ZNF700: variants seen among roughly 807,000 people sequenced by gnomAD.
ZNF700 encodes the protein zinc finger protein 700.
Under a neutral mutation model 65.3 loss-of-function variants are expected in ZNF700, and 38 were observed. That is an observed-to-expected ratio of 0.58 (90% CI 0.45 to 0.76). ZNF700 has a LOEUF of 0.76. Among genes scored for constraint, ZNF700 ranks in the 30% least tolerant of loss-of-function variants. The probability of loss-of-function intolerance (pLI) is 0.00; values close to 1 mark genes in which losing one functional copy is unlikely to be tolerated. For missense variants in ZNF700, 857 were observed against 888.4 expected, an observed-to-expected ratio of 0.96 and a Z score of 0.45; for synonymous variants, 285 against 290.4, an observed-to-expected ratio of 0.98 and a Z score of 0.19.
chr19:11,941,642 G>T (rs746470407), intron 1 of ZNF700, among the ~76,000 whole-genome samples: 1 of 152,070 alleles, frequency 6.6e-6, no homozygotes, highest in African/African-American at 2.4e-5. Flanking sequence ...GCCCGCAAGC[G>T]CCGCGCGCAG....
At chr19:11,942,813 C>CT (rs1003430541) in intron 1 of ZNF700, among the ~76,000 whole-genome samples, 6 of 152,180 alleles carry the variant, frequency 3.9e-5, no homozygotes, top group African/African-American at 1.2e-4. Flanking sequence ...ACCGGGCTGT[C>CT]TGACTATTGA....
chr19:11,938,482 G>A (rs1483884591), intron 1 of ZNF700, among the ~76,000 whole-genome samples: 2 of 152,130 alleles, frequency 1.3e-5, no homozygotes, highest in African/African-American at 4.8e-5. Flanking sequence ...AGAATATGCG[G>A]TGTTTGGTTT....
chr19:11,938,694 A>G lies in ZNF700; in HGVS notation c.64-8487A>G, dbSNP rs148470166. On this transcript the variant is annotated intron_variant, in intron 1 of 3. Coordinates refer to ENST00000254321, the MANE Select transcript of ZNF700 (RefSeq NM_144566.3). ...GGTGCCGCAATAAACATACATGTGCATGTGTCTTTATAGCAGCATGATTTA... is the reference window on the plus strand; with the variant it reads ...GGTGCCGCAATAAACATACATGTGCGTGTGTCTTTATAGCAGCATGATTTA... 1.7e-3 allele frequency among the ~76,000 whole-genome samples: 257 copies of G among 152,316 alleles called. 3 individuals carry two copies. Among genetic ancestry groups the G allele is most frequent in the African/African-American group, 5.8e-3 (241 of 41,578 alleles).
At chr19:11,938,550 C>T (rs1972832710) in intron 1 of ZNF700, among the ~76,000 whole-genome samples, 1 of 152,160 alleles carries the variant, frequency 6.6e-6, no homozygotes, top group Non-Finnish European at 1.5e-5. Context: ...CATGTCCCTA[C>T]AAAGGACATG....
chr19:11,936,870 TG>T lies in ZNF700; in HGVS notation c.64-10310del. On this transcript the variant is annotated intron_variant, in intron 1 of 3. Transcript: ENST00000254321. ...ATCTTGAATTAATTTTTGTGTAAGG[TG>T]TAAGGAAGGGATCCAGTTTCAGCTT... 3.3e-5 allele frequency among the ~76,000 whole-genome samples: 5 copies of T among 152,290 alleles called. 1 individual carries two copies. Among genetic ancestry groups the T allele is most frequent in the Admixed American group, 3.3e-4 (5 of 15,290 alleles).
In ZNF700 at chr19:11,950,274, T is replaced by C; in HGVS notation, c.*21T>C. 6.3e-7 allele frequency: 1 copy of C among 1,593,928 alleles called. No individual in the cohort carries two copies. Among genetic ancestry groups the C allele is most frequent in the Non-Finnish European group, 8.5e-7 (1 of 1,173,032 alleles). ...GCTAGCCTGGTTCCTTTTATGGACA[T>C]GAATAGACTCACACTGGAAGGAAGC... On this transcript the variant is annotated 3_prime_UTR_variant, in exon 4 of 4. Coordinates refer to ENST00000254321, the MANE Select transcript of ZNF700 (RefSeq NM_144566.3).
Position 11,949,899 on chromosome 19 carries a change from TGG to T in ZNF700, c.1877_1878del (p.Gly626GlufsTer13). The T allele has an allele frequency of 6.2e-7, 1 of 1,613,986 alleles. No individual in the cohort carries two copies. ...AGAAACCCTATGAGTGTAAGCAATG[TGG>T]GAAAGCCTTCAGATCTGCCTCAAAC... Reference protein sequence around the residue: ...GEKPYECKQCGKAFRSASNLQ... With the variant: ...GEKPYECKQCXKAFRSASNLQ... On this transcript the variant is annotated frameshift_variant, in exon 4 of 4. Transcript: ENST00000254321. LOFTEE classifies it high-confidence loss of function.
At chr19:11,937,722 T>C (rs1269265470) in intron 1 of ZNF700, among the ~76,000 whole-genome samples, 1 of 151,978 alleles carries the variant, frequency 6.6e-6, no homozygotes, top group Non-Finnish European at 1.5e-5. Context: ...TCTCCTGACC[T>C]CATGATCTGC....
chr19:11,925,791 A>T (rs1373557345), intron 1 of ZNF700, among the ~76,000 whole-genome samples: 1 of 152,242 alleles, frequency 6.6e-6, no homozygotes, highest in Non-Finnish European at 1.5e-5. Context: ...TATGTAAAAT[A>T]AAGAAGTTTA....
intron 1 of ZNF700, among the ~76,000 whole-genome samples, chr19:11,934,692 A>G (rs1972763402): frequency 6.8e-6 from 1 of 147,010 alleles, no homozygotes; most frequent in Non-Finnish European, 1.5e-5. Flanking sequence ...TCTCCTGACC[A>G]ATTTTTGTAT....
At chr19:11,940,488 C>T (rs1254932286) in intron 1 of ZNF700, among the ~76,000 whole-genome samples, 1 of 151,888 alleles carries the variant, frequency 6.6e-6, no homozygotes, top group African/African-American at 2.4e-5. Flanking sequence ...GCTCTTAAGG[C>T]AGCGCGTCTG....
Position 11,948,739 on chromosome 19 carries a change from A to C in ZNF700, c.715A>C (p.Ile239Leu). 6.2e-7 allele frequency: 1 copy of C among 1,612,764 alleles called. No individual in the cohort carries two copies. The highest frequency in any genetic ancestry group is 1.7e-4 in the Middle Eastern group (1 of 6,060). ...CTTCCATTCTTTCAGTTTATATCTT[A>C]TCCATGAAAGAACTCACACTGGAGA... ...KAFHSFSLYL[I>L]HERTHTGEKP... The change falls in exon 4 of 4, where the codon ATC becomes CTC. Residue 239 changes from isoleucine (I) to leucine (L), a missense_variant. By Grantham distance (5) the Ile-to-Leu change is conservative (BLOSUM62 2). Coordinates refer to ENST00000254321, the MANE Select transcript of ZNF700 (RefSeq NM_144566.3).
intron 1 of ZNF700, among the ~76,000 whole-genome samples, chr19:11,941,155 T>C (rs1465024262): frequency 6.6e-6 from 1 of 152,246 alleles, no homozygotes; most frequent in African/African-American, 2.4e-5. Context: ...AGAGTGCCGA[T>C]TGGTGCATTT....
intron 1 of ZNF700, among the ~76,000 whole-genome samples, chr19:11,936,987 C>T (rs2073951529): frequency 6.6e-6 from 1 of 152,146 alleles, no homozygotes; most frequent in African/African-American, 2.4e-5. Flanking sequence ...CGTCAAAGAT[C>T]AGATGGTTGT....
At chr19:11,938,772 C>CT (rs1972836163) in intron 1 of ZNF700, among the ~76,000 whole-genome samples, 1 of 152,172 alleles carries the variant, frequency 6.6e-6, no homozygotes. Flanking sequence ...AATGGTATTT[C>CT]TAGTTCTAGA....
intron 1 of ZNF700, among the ~76,000 whole-genome samples, chr19:11,937,549 C>CAT (rs1972816535): frequency 1.4e-5 from 2 of 147,092 alleles, no homozygotes; most frequent in African/African-American, 5.1e-5. Context: ...AGTGCAGTGG[C>CAT]GCCATCTCGG....
rs549079731 is a variant in ZNF700 at position 11,927,964 on chromosome 19, A to G, written c.63+2691A>G. On this transcript the variant is annotated intron_variant, in intron 1 of 3. Transcript: ENST00000254321. ...AAAGGCAAATAAATGTAACAGGATT[A>G]TGTTTTCCATAGAAGGCTGATGTAT... is the stretch of plus-strand genomic sequence containing the variant. Among the ~76,000 whole-genome samples the G allele has an allele frequency of 1.5e-4, 22 of 151,526 alleles. No homozygotes were observed. In the East Asian group the frequency reaches 4.1e-3, roughly 28 times the overall value.
intron 1 of ZNF700, among the ~76,000 whole-genome samples, chr19:11,936,344 C>T (rs1398824750): frequency 6.6e-6 from 1 of 152,158 alleles, no homozygotes; most frequent in African/African-American, 2.4e-5. Context: ...TCCTCTCCAG[C>T]ACCTGTTGTT....
intron 1 of ZNF700, among the ~76,000 whole-genome samples, chr19:11,945,191 G>A (rs1358071501): frequency 6.6e-6 from 1 of 152,226 alleles, no homozygotes; most frequent in Non-Finnish European, 1.5e-5. Flanking sequence ...AAGGCTCACT[G>A]TTGTTGGGAT....
Sources: allele counts gnomAD v4.1 joint callset (sites outside exome capture counted in the v4.1 genomes callset), GRCh38; gene constraint gnomAD v4.1.1; transcripts MANE v1.5; gene names NCBI Gene and HGNC (gene_info 2026-07-23, HGNC 2026-07-21).